KLK11: variants seen among roughly 807,000 people sequenced by gnomAD.
KLK11 encodes the protein kallikrein-11.
A neutral mutation model predicts 23.4 loss-of-function variants in KLK11; 10 were observed. That is an observed-to-expected ratio of 0.43 (90% confidence interval 0.26 to 0.73). KLK11 has a LOEUF of 0.73. Ranked by LOEUF, KLK11 falls within the 30% of genes least tolerant of loss-of-function variation. KLK11 has a pLI of 0.22. For missense variants in KLK11, 285 were observed against 327.8 expected (o/e 0.87, Z 1.01); for synonymous variants, 131 against 131.7 (o/e 0.99, Z 0.03).
At chr19:51,023,803 G>A (rs901988838) in intron 4 of KLK11, 4 of 423,480 alleles carry the variant, frequency 9.4e-6, no homozygotes, top group Non-Finnish European at 1.7e-5. Context: ...TCAGAGAGGT[G>A]AAGCTGCTTG....
chr19:51,026,700 C>G (rs1339428917), upstream of KLK11: 1 of 680,616 alleles, frequency 1.5e-6, no homozygotes, highest in Admixed American at 6.3e-5. Flanking sequence ...CCTCCAAGCC[C>G]TGCCTTAATG....
chr19:51,023,835 G>A (rs1600150977), intron 4 of KLK11: 3 of 475,744 alleles, frequency 6.3e-6, no homozygotes, highest in Non-Finnish European at 1.1e-5. Flanking sequence ...ACAACCAGGA[G>A]GTTATGGATG....
chr19:51,024,739 G>A lies in KLK11; in HGVS notation c.96C>T (p.Ser32=). 5.0e-6 allele frequency: 8 copies of A among 1,603,638 alleles called. No homozygotes were observed. The highest frequency in any genetic ancestry group is 6.8e-6 in the Non-Finnish European group (8 of 1,176,798). ...IIKGFECKPH[S]QPWQAALFEK... ...CGAACAGGGCTGCCTGCCAGGGCTG[G>A]GAGTGAGGCTTGCACTCGAACCCCT... is the stretch of plus-strand genomic sequence containing the variant. Residue 32 remains serine (S), a synonymous_variant, in exon 3 of 6, where the codon TCC becomes TCT. Transcript: ENST00000453757. This position sits in a 1 kb window ranked among gnomAD's most constrained non-coding sequence, Gnocchi z 6.2.
rs369629996 is a variant in KLK11, at chr19:51,022,597, G to A, written c.701C>T (p.Thr234Met). ...CCAGTCCACATATTTGCAGACTTTC[G>A]TGTAGACACCAGGCTTTCGGGTGAT... The part of the protein sequence containing the change: ...CAITRKPGVY[T>M]KVCKYVDWIQ... The change falls in exon 6 of 6, where the codon ACG becomes ATG. Residue 234 changes from threonine (T) to methionine (M), a missense_variant. By Grantham distance (81) the Thr-to-Met change is moderately conservative. Transcript: ENST00000453757. 61 of 1,614,026 alleles carry A rather than the reference G, an allele frequency of 3.8e-5. No homozygotes were observed. The highest frequency in any genetic ancestry group is 2.9e-4 in the East Asian group (13 of 44,872).
intron 4 of KLK11, chr19:51,023,808 T>C (rs1171229552): frequency 4.7e-6 from 2 of 427,552 alleles, no homozygotes; most frequent in African/African-American, 4.0e-5. Flanking sequence ...GAGGTGAAGC[T>C]GCTTGCCTAA....
At chr19:51,023,682 GC>G (rs2091435316) in intron 4 of KLK11, 1 of 220,992 alleles carries the variant, frequency 4.5e-6, no homozygotes, top group Non-Finnish European at 8.8e-6. Context: ...ACGGTGCCCA[GC>G]CTGCTATCCA....
chr19:51,027,526 C>T (rs548443347), upstream of KLK11: 1 of 1,614,018 alleles, frequency 6.2e-7, no homozygotes, highest in Non-Finnish European at 8.5e-7. Flanking sequence ...ATCTGCGGAA[C>T]CCGAGCGCAG....
Position 51,024,224 on chromosome 19 carries a change from T to G in KLK11, c.284A>C (p.His95Pro), listed in dbSNP as rs1277580766. 1.2e-6 allele frequency: 2 copies of G among 1,613,768 alleles called. No homozygotes were observed. The highest frequency in any genetic ancestry group is 1.7e-6 in the Non-Finnish European group (2 of 1,179,910). ...QTRTATESFP[H>P]PGFNNSLPNK... ...GGGGAGGCTGTTGTTGAAGCCGGGG[T>G]GGGGGAAGGACTCAGTGGCTGTCCG... The change falls in exon 4 of 6, where the codon CAC (histidine) becomes CCC (proline). Residue 95 changes from histidine to proline, a missense_variant. Coordinates refer to ENST00000453757, the MANE Select transcript of KLK11 (RefSeq NM_001136032.3). The surrounding 1 kb of genome is among the most constrained non-coding windows in gnomAD (Gnocchi z 6.2).
At chr19:51,027,229 G>T (rs571335607), upstream of KLK11, 14 of 543,318 alleles carry the variant, frequency 2.6e-5, no homozygotes, top group South Asian at 2.9e-4. Context: ...AAGGAGAGGG[G>T]GGGTGTGCTG....
chr19:51,022,507 G>A lies in KLK11; in HGVS notation c.*38C>T. The stretch of plus-strand genomic sequence containing the variant: ...GTGAACAGGAACCAAACACCAAGTG[G>A]AAATGGAGGGTGATGGGCTGTGGTG... On this transcript the variant is annotated 3_prime_UTR_variant, in exon 6 of 6. Transcript: ENST00000453757. The A allele has an allele frequency of 6.2e-7, 1 of 1,612,988 alleles. No homozygotes were observed. Among genetic ancestry groups the A allele is most frequent in the South Asian group, 1.1e-5 (1 of 91,024 alleles).
rs1218385534 is a variant in KLK11, at chr19:51,024,625, C to T, written c.197+13G>A. ...GCCCCCCACCCCGGCACCGCCCCAGCCCCCGCACCCACGGCTTGAGGCAGT... is the reference window on the plus strand; with the variant it reads ...GCCCCCCACCCCGGCACCGCCCCAGTCCCCGCACCCACGGCTTGAGGCAGT... On this transcript the variant is annotated intron_variant, in intron 3 of 5. Transcript: ENST00000453757. This position sits in a 1 kb window ranked among gnomAD's most constrained non-coding sequence, Gnocchi z 6.2. The T allele has an allele frequency of 2.9e-5, 44 of 1,525,452 alleles. No homozygotes were observed. Among genetic ancestry groups the T allele is most frequent in the Non-Finnish European group, 3.4e-5 (39 of 1,136,194 alleles). The allele number at this position is 1,525,452 out of a possible 1,614,324, so 94.5% of individuals were successfully genotyped here. A position where few individuals can be genotyped will look rare whatever the true frequency, so the allele number is the denominator to read the frequency against.
rs62117661 is a variant in KLK11, at chr19:51,025,576, C to T, written c.40+16G>A. ...TCAAGAGGGAGGATCCTGCCCTGCC[C>T]CCATCCCCTGCGTACCTGTTGCCAG... On this transcript the variant is annotated intron_variant, in intron 2 of 5. Transcript: ENST00000453757. The surrounding 1 kb of genome is among the most constrained non-coding windows in gnomAD (Gnocchi z 6.2). 0.086 allele frequency: 131,941 copies of T among 1,540,338 alleles called. 6,273 individuals are homozygous for T. The highest frequency in any genetic ancestry group is 0.096 in the Non-Finnish European group (108,331 of 1,133,794).
At position 51,024,885 on chromosome 19, in the gene KLK11, G is replaced by C; in HGVS notation, c.41-91C>G. On this transcript the variant is annotated intron_variant, in intron 2 of 5. Transcript: ENST00000453757. This position sits in a 1 kb window ranked among gnomAD's most constrained non-coding sequence, Gnocchi z 6.2. Reference sequence around the variant, plus strand: ...GAAATGGGGGTGGGGAGGAGAGAAAGAGAGTGGGTGGTCTGGGCCCTGGTC... The same window carrying C: ...GAAATGGGGGTGGGGAGGAGAGAAACAGAGTGGGTGGTCTGGGCCCTGGTC... 1 of 1,275,286 alleles carries C rather than the reference G, an allele frequency of 7.8e-7. No homozygotes were observed. The highest frequency in any genetic ancestry group is 1.6e-5 in the South Asian group (1 of 61,828). 79.0% of individuals were successfully genotyped at this position (1,275,286 alleles called of 1,614,324 possible). A position where few individuals can be genotyped will look rare whatever the true frequency, so the allele number is the denominator to read the frequency against.
At chr19:51,023,979 C>G in intron 4 of KLK11, 66 bp downstream of exon 4, 1 of 1,294,818 alleles carries the variant, frequency 7.7e-7, no homozygotes, top group Non-Finnish European at 1.0e-6. Context: ...ATGCCCTGAA[C>G]CCTTCCACAA....
In KLK11 at chr19:51,024,763, C is replaced by T; in HGVS notation, c.72G>A (p.Lys24=). The stretch of plus-strand genomic sequence containing the variant: ...GGGAGTGAGGCTTGCACTCGAACCC[C>T]TTGATGATCCTGGTCTCTCCCCCTA... The part of the protein sequence containing the change: ...GLVGGETRII[K]GFECKPHSQP... The change falls in exon 3 of 6, where the codon AAG becomes AAA. Residue 24 remains lysine, a synonymous_variant. Coordinates refer to ENST00000453757, the MANE Select transcript of KLK11 (RefSeq NM_001136032.3). The surrounding 1 kb of genome is among the most constrained non-coding windows in gnomAD (Gnocchi z 6.2). The T allele has an allele frequency of 6.2e-7, 1 of 1,600,450 alleles. No individual in the cohort carries two copies. The highest frequency in any genetic ancestry group is 1.1e-5 in the South Asian group (1 of 88,966).
upstream of KLK11, chr19:51,027,877 A>C: frequency 4.7e-6 from 1 of 214,880 alleles, no homozygotes; most frequent in Non-Finnish European, 9.3e-6. Flanking sequence ...CGCTGGTATG[A>C]TCACCCCTCA....
rs12460414 is a variant in KLK11, at chr19:51,026,172, A to G, written c.-36+366T>C. Among the ~76,000 whole-genome samples the G allele has an allele frequency of 1.1e-4, 17 of 152,130 alleles. 1 individual carries two copies. Among genetic ancestry groups the G allele is most frequent in the African/African-American group, 4.1e-4 (17 of 41,544 alleles). On this transcript the variant is annotated intron_variant, in intron 1 of 5. Coordinates refer to ENST00000453757, the MANE Select transcript of KLK11 (RefSeq NM_001136032.3). ...AGGGGAGTAGGGGGCTCAGCCCCAG[A>G]CAATGTCTGGGACCCCCATCACCCG... is the stretch of plus-strand genomic sequence containing the variant.
In KLK11 at chr19:51,022,606, C is replaced by A. The variant is rs2091417505; in HGVS notation, c.692G>T (p.Gly231Val). The A allele has an allele frequency of 6.2e-7, 1 of 1,613,970 alleles. No individual in the cohort carries two copies. ...ATATTTGCAGACTTTCGTGTAGACA[C>A]CAGGCTTTCGGGTGATCGCACACGG... is the stretch of plus-strand genomic sequence containing the variant. ...QDPCAITRKP[G>V]VYTKVCKYVD... is the part of the protein sequence containing the mutation. Residue 231 changes from glycine (G) to valine (V), a missense_variant, in exon 6 of 6, where the codon GGT becomes GTT. By Grantham distance (109) the Gly-to-Val change is moderately radical (BLOSUM62 -3). Coordinates refer to ENST00000453757, the MANE Select transcript of KLK11 (RefSeq NM_001136032.3).
In KLK11 at chr19:51,024,665, A is replaced by G; in HGVS notation, c.170T>C (p.Leu57Pro). 1 of 1,590,230 alleles carries G rather than the reference A, an allele frequency of 6.3e-7. No homozygotes were observed. Among genetic ancestry groups the G allele is most frequent in the Non-Finnish European group, 8.5e-7 (1 of 1,169,668 alleles). The part of the protein sequence containing the change: ...CGATLIAPRW[L>P]LTAAHCLKPR... Reference sequence around the variant, plus strand: ...CTTGAGGCAGTGGGCTGCTGTCAGGAGCCATCTGGGGGCGATGAGCGTCGC... The same window carrying G: ...CTTGAGGCAGTGGGCTGCTGTCAGGGGCCATCTGGGGGCGATGAGCGTCGC... Residue 57 changes from leucine to proline, a missense_variant, in exon 3 of 6, where the codon CTC becomes CCC. Physicochemically the swap from Leu to Pro is moderately conservative, Grantham distance 98. Transcript: ENST00000453757. This position sits in a 1 kb window ranked among gnomAD's most constrained non-coding sequence, Gnocchi z 6.2.
Sources: gnomAD v4.1 joint callset for allele counts (sites outside exome capture counted in the v4.1 genomes callset) on GRCh38, gnomAD v4.1.1 for gene constraint, Gnocchi (gnomAD v3.1) non-coding constraint, MANE v1.5 for transcripts, NCBI Gene and HGNC (gene_info 2026-07-23, HGNC 2026-07-21) for gene names.